Variants in PDE10A observed in about 807,000 individuals in gnomAD.
PDE10A encodes cAMP and cAMP-inhibited cGMP 3',5'-cyclic phosphodiesterase 10A.
A neutral mutation model predicts 97.7 loss-of-function variants in PDE10A; 39 were observed. That is an observed-to-expected ratio of 0.40 (90% confidence interval 0.31 to 0.52). The LOEUF (loss-of-function observed/expected upper bound fraction) is 0.52. Ranked by LOEUF, PDE10A falls within the 20% of genes least tolerant of loss-of-function variation. The pLI is 0.56. For missense variants in PDE10A, 731 were observed against 1,047.8 expected (o/e 0.70, Z 4.17); for synonymous variants, 371 against 376.8 (o/e 0.98, Z 0.18).
chr6:165,638,312 G>A (rs932933656), intron 1 of PDE10A, among the ~76,000 whole-genome samples: 1 of 152,112 alleles, frequency 6.6e-6, no homozygotes, highest in African/African-American at 2.4e-5. Context: ...CACAGTAAGA[G>A]TCAAAACTAA....
chr6:165,678,029 TTGTG>T (rs1234118212), intron 1 of PDE10A, among the ~76,000 whole-genome samples: 2 of 150,978 alleles, frequency 1.3e-5, no homozygotes, highest in African/African-American at 2.4e-5. Context: ...GTGTAGCTGT[TTGTG>T]TGGGTGTTTG....
At chr6:165,515,814 G>A (rs899019391) in intron 2 of PDE10A, among the ~76,000 whole-genome samples, 4 of 152,010 alleles carry the variant, frequency 2.6e-5, no homozygotes, top group Admixed American at 6.6e-5. Context: ...GAGCCAACGC[G>A]CCCGGCCTAT....
chr6:165,389,978 A>C (rs772054775), intron 16 of PDE10A, among the ~76,000 whole-genome samples: 1 of 152,240 alleles, frequency 6.6e-6, no homozygotes, highest in African/African-American at 2.4e-5. Context: ...TTTTGAGTGG[A>C]ATTCAGGTTA....
At chr6:165,575,520 A>G (rs1443327191) in intron 1 of PDE10A, among the ~76,000 whole-genome samples, 2 of 151,994 alleles carry the variant, frequency 1.3e-5, no homozygotes, top group Admixed American at 6.6e-5. Flanking sequence ...TTGCTCACTC[A>G]GTTATTTCCC....
Position 165,388,427 on chromosome 6 carries a change from C to T in PDE10A, c.2481G>A (p.Leu827=), listed in dbSNP as rs1206135056. Residue 827 remains leucine (L), a synonymous_variant, in exon 17 of 22, where the codon CTG becomes CTA. Coordinates refer to ENST00000539869, the MANE Select transcript of PDE10A (RefSeq NM_001385079.1). The surrounding 1 kb of genome is among the most constrained non-coding windows in gnomAD (Gnocchi z 4.0). ...LERKGLLIAC[L]CHDLDHRGFS... is the part of the protein sequence containing the mutation. ...AGCCCCTGTGGTCCAGGTCATGACA[C>T]AGACACGCAATCAGCAGTCCTTTGC... The T allele has an allele frequency of 6.2e-7, 1 of 1,614,044 alleles. No homozygotes were observed. Among genetic ancestry groups the T allele is most frequent in the Non-Finnish European group, 8.5e-7 (1 of 1,180,020 alleles).
chr6:165,340,413 A>G (rs2128178593), intron 19 of PDE10A, among the ~76,000 whole-genome samples: 1 of 152,308 alleles, frequency 6.6e-6, no homozygotes, highest in East Asian at 1.9e-4. Context: ...AGGTATTTTT[A>G]TGTACAGGAC....
intron 1 of PDE10A, among the ~76,000 whole-genome samples, chr6:165,625,820 T>C (rs754863108): frequency 4.0e-4 from 61 of 152,224 alleles, no homozygotes; most frequent in Non-Finnish European, 8.4e-4. Context: ...TCTTTATAAA[T>C]TACCCAGTCT....
At chr6:165,570,373 G>C (rs74759676) in intron 1 of PDE10A, among the ~76,000 whole-genome samples, 148 of 152,248 alleles carry the variant, frequency 9.7e-4, no homozygotes, top group Non-Finnish European at 1.8e-3. Flanking sequence ...TTTAGCTCAA[G>C]CCACTAGGAG....
intron 18 of PDE10A, among the ~76,000 whole-genome samples, chr6:165,364,649 T>C (rs536986091): frequency 8.5e-5 from 13 of 152,128 alleles, no homozygotes; most frequent in Non-Finnish European, 2.9e-5. Context: ...TTGCCAAAAC[T>C]TAAAATTAGT....
At chr6:165,858,390 C>T (rs1583198924) in intron 1 of PDE10A, among the ~76,000 whole-genome samples, 1 of 152,190 alleles carries the variant, frequency 6.6e-6, no homozygotes, top group East Asian at 1.9e-4. Flanking sequence ...TCTGCAGTAA[C>T]CAAGTGGGGA....
At chr6:165,523,627 G>A (rs1289980340) in intron 2 of PDE10A, among the ~76,000 whole-genome samples, 1 of 152,010 alleles carries the variant, frequency 6.6e-6, no homozygotes, top group Non-Finnish European at 1.5e-5. Context: ...ACCCAAGAGA[G>A]ATTAAAGACT....
chr6:165,336,594 A>G (rs1781663490), intron 20 of PDE10A, among the ~76,000 whole-genome samples: 1 of 146,024 alleles, frequency 6.8e-6, no homozygotes, highest in African/African-American at 2.6e-5. Context: ...CTAAAAATAC[A>G]AAAAATTAGC....
At chr6:165,477,868 G>A (rs753617647) in intron 3 of PDE10A, among the ~76,000 whole-genome samples, 1 of 152,090 alleles carries the variant, frequency 6.6e-6, no homozygotes, top group African/African-American at 2.4e-5. Context: ...CAAACTTTTT[G>A]GTCTCCTCTG....
chr6:165,397,890 T>C (rs902379285), intron 13 of PDE10A, among the ~76,000 whole-genome samples: 1 of 152,102 alleles, frequency 6.6e-6, no homozygotes, highest in Non-Finnish European at 1.5e-5. Context: ...GCAAACCCAA[T>C]GAATGAATAC....
chr6:165,964,808 A>C (rs183066587), intron 1 of PDE10A, among the ~76,000 whole-genome samples: 1 of 152,352 alleles, frequency 6.6e-6, no homozygotes. Context: ...CATAATGATG[A>C]GAAAGGTGCA....
intron 1 of PDE10A, among the ~76,000 whole-genome samples, chr6:165,563,016 C>A (rs1784596477): frequency 6.6e-6 from 1 of 151,972 alleles, no homozygotes; most frequent in Non-Finnish European, 1.5e-5. Flanking sequence ...GTTGAGAAAT[C>A]CTGTTTTCAA....
chr6:165,391,396 T>C (rs1785703138), intron 16 of PDE10A, among the ~76,000 whole-genome samples: 1 of 152,202 alleles, frequency 6.6e-6, no homozygotes, highest in African/African-American at 2.4e-5. Flanking sequence ...TTTTTTTGAA[T>C]ATAAATTACA....
At position 165,641,112 on chromosome 6, in the gene PDE10A, G is replaced by C. The variant is rs185782107; in HGVS notation, c.865+20835C>G. Among the ~76,000 whole-genome samples the C allele has an allele frequency of 1.1e-3, 169 of 152,346 alleles. 2 individuals carry two copies. Among genetic ancestry groups the C allele is most frequent in the Middle Eastern group, 6.8e-3 (2 of 294 alleles). On this transcript the variant is annotated intron_variant, in intron 1 of 21. Transcript: ENST00000539869. ...CCACAGAAGAGGGATGGACCCAAGAGACTGAATAGAGGAGGATGGCCAGGC... is the reference window on the plus strand; with the variant it reads ...CCACAGAAGAGGGATGGACCCAAGACACTGAATAGAGGAGGATGGCCAGGC...
At chr6:165,428,750 G>C in intron 9 of PDE10A, 41 bp from the exon 10 acceptor site, 2 of 777,706 alleles carry the variant, frequency 2.6e-6, no homozygotes, top group Non-Finnish European at 4.4e-6. Context: ...AATTTCATTA[G>C]TTCACAGTAC....
Sources: allele counts gnomAD v4.1 joint callset (sites outside exome capture counted in the v4.1 genomes callset), GRCh38; gene constraint gnomAD v4.1.1; non-coding constraint Gnocchi (gnomAD v3.1); transcripts MANE v1.5; gene names NCBI Gene and HGNC (gene_info 2026-07-23, HGNC 2026-07-21).